The following SLC12A6 variants were observed in gnomAD, a reference collection of about 807,000 sequenced individuals.
SLC12A6 encodes solute carrier family 12 member 6, also known as K-Cl cotransporter 3.
A neutral mutation model predicts 135.3 loss-of-function variants in SLC12A6; 66 were observed. The ratio of observed to expected loss-of-function variants is 0.49; its 90% CI spans 0.40 to 0.60. SLC12A6 has a LOEUF of 0.60. Among genes scored for constraint, SLC12A6 ranks in the 20% least tolerant of loss-of-function variants. The pLI, the probability that SLC12A6 is intolerant of heterozygous loss-of-function variation, is 0.00. For synonymous variants in SLC12A6, 513 were observed against 508.8 expected, an observed-to-expected ratio of 1.01 and a Z score of -0.11; for missense variants, 1,058 against 1,452.3, an observed-to-expected ratio of 0.73 and a Z score of 4.41.
intron 4 of SLC12A6, 95 bp from the exon 5 acceptor site, chr15:34,259,039 A>G: frequency 9.1e-7 from 1 of 1,103,760 alleles, no homozygotes; most frequent in African/African-American, 1.5e-5. Flanking sequence ...AAATTAAATG[A>G]AAAAATATTT....
In SLC12A6 at chr15:34,242,122, G is replaced by T; in HGVS notation, c.2142C>A (p.Tyr714Ter). The change falls in exon 17 of 26, where the codon TAC (tyrosine) becomes TAA (stop). Residue 714 changes from tyrosine (Y) to a stop codon, truncating the protein, a stop_gained. Coordinates refer to ENST00000354181, the MANE Select transcript of SLC12A6 (RefSeq NM_001365088.1). LOFTEE classifies it high-confidence loss of function. ...IVAMVIAGMI[Y>*]KYIEYQGAEK... is the part of the protein sequence containing the mutation. ...CTCACCCTTGGTATTCAATGTACTT[G>T]TAGATCATACCAGCTATTACCATGG... 1 of 1,599,130 alleles carries T rather than the reference G, an allele frequency of 6.3e-7. No individual in the cohort carries two copies. Among genetic ancestry groups the T allele is most frequent in the Non-Finnish European group, 8.6e-7 (1 of 1,166,638 alleles).
chr15:34,322,978 C>CAAAAAAAA (rs1218702689), intron 2 of SLC12A6, among the ~76,000 whole-genome samples: 5 of 39,012 alleles, frequency 1.3e-4, no homozygotes, highest in African/African-American at 1.8e-4. Flanking sequence ...AACTCTGTCT[C>CAAAAAAAA]AAAAAAAAAA....
At chr15:34,316,636 C>T (rs763958163) in intron 2 of SLC12A6, among the ~76,000 whole-genome samples, 1 of 152,282 alleles carries the variant, frequency 6.6e-6, no homozygotes, top group East Asian at 1.9e-4. Flanking sequence ...TTGTTAAAAG[C>T]AATTACTATG....
chr15:34,307,196 A>C (rs143275650), intron 2 of SLC12A6, among the ~76,000 whole-genome samples: 1 of 152,234 alleles, frequency 6.6e-6, no homozygotes, highest in Non-Finnish European at 1.5e-5. Flanking sequence ...ACCGATGGGG[A>C]AAAACATTTG....
chr15:34,249,362 C>T, intron 13 of SLC12A6, among the ~76,000 whole-genome samples: 1 of 151,986 alleles, frequency 6.6e-6, no homozygotes, highest in Non-Finnish European at 1.5e-5. Flanking sequence ...GAGCTTCAGA[C>T]CATCCTGGAC....
At chr15:34,275,193 G>A in intron 3 of SLC12A6, 152 bp downstream of exon 3, 2 of 540,214 alleles carry the variant, frequency 3.7e-6, no homozygotes, top group East Asian at 2.9e-5. Flanking sequence ...AACTTGGCAA[G>A]TTGGGAATAG....
chr15:34,293,606 T>C (rs1223559249), intron 2 of SLC12A6, among the ~76,000 whole-genome samples: 1 of 152,180 alleles, frequency 6.6e-6, no homozygotes, highest in Middle Eastern at 3.2e-3. Context: ...GCCTAGCCTA[T>C]TTCATTTTTT....
chr15:34,275,275 G>A lies in SLC12A6; in HGVS notation c.316+70C>T, dbSNP rs561443319. The stretch of plus-strand genomic sequence containing the variant: ...ATAGAAAATAGAATCAGAGAAGGGA[G>A]TAATGTCTGTTAGGATAAATGAGTT... On this transcript the variant is annotated intron_variant, in intron 3 of 25. Coordinates refer to ENST00000354181, the MANE Select transcript of SLC12A6 (RefSeq NM_001365088.1). 55 of 797,196 alleles carry A rather than the reference G, an allele frequency of 6.9e-5. No homozygotes were observed. The Middle Eastern group carries it at 2.7e-3, about 39-fold the overall frequency. 49.4% of individuals were successfully genotyped at this position (797,196 alleles called of 1,614,324 possible). A position where few individuals can be genotyped will look rare whatever the true frequency, so the allele number is the denominator to read the frequency against.
chr15:34,295,949 G>A (rs1895851003), intron 2 of SLC12A6, among the ~76,000 whole-genome samples: 1 of 152,206 alleles, frequency 6.6e-6, no homozygotes, highest in Admixed American at 6.5e-5. Context: ...GCAATGAGCT[G>A]AGATCACGCC....
At chr15:34,270,437 A>G (rs1233908727) in intron 3 of SLC12A6, among the ~76,000 whole-genome samples, 19 of 152,144 alleles carry the variant, frequency 1.2e-4, no homozygotes, top group Admixed American at 1.2e-3. Context: ...AAACTTAAAT[A>G]CTGGGTTTTT....
chr15:34,323,188 A>C (rs1889236224), intron 2 of SLC12A6, among the ~76,000 whole-genome samples: 1 of 152,166 alleles, frequency 6.6e-6, no homozygotes, highest in Non-Finnish European at 1.5e-5. Flanking sequence ...TAATATGAAG[A>C]CAAATAAAAT....
chr15:34,333,973 G>T (rs1477398341), intron 2 of SLC12A6, among the ~76,000 whole-genome samples: 1 of 151,836 alleles, frequency 6.6e-6, no homozygotes, highest in Non-Finnish European at 1.5e-5. Context: ...GGGAGGCTGA[G>T]GCAAAAGAAT....
intron 2 of SLC12A6, among the ~76,000 whole-genome samples, chr15:34,326,439 T>C (rs944726120): frequency 9.9e-5 from 15 of 152,144 alleles, no homozygotes; most frequent in African/African-American, 3.1e-4. Context: ...TCTAAAAATG[T>C]GAGGAAAGGA....
Position 34,314,206 on chromosome 15 carries a change from G to A in SLC12A6, c.271+22204C>T, listed in dbSNP as rs1385948569. Among the ~76,000 whole-genome samples the A allele has an allele frequency of 2.6e-5, 4 of 151,882 alleles. No homozygotes were observed. The East Asian group carries it at 5.8e-4, about 22-fold the overall frequency. On this transcript the variant is annotated intron_variant, in intron 2 of 25. Transcript: ENST00000354181. ...GGGATTTACAGGCATATGCCACCAC[G>A]CCCAGTTAATTTTTGCATTTAGTAG... is the stretch of plus-strand genomic sequence containing the variant.
intron 2 of SLC12A6, among the ~76,000 whole-genome samples, chr15:34,333,780 T>C (rs1044662481): frequency 3.9e-5 from 6 of 151,988 alleles, no homozygotes; most frequent in Non-Finnish European, 5.9e-5. Context: ...TATTTAAAAC[T>C]TCATGTAGGG....
chr15:34,317,855 G>T (rs748946677), intron 2 of SLC12A6, among the ~76,000 whole-genome samples: 1 of 152,106 alleles, frequency 6.6e-6, no homozygotes, highest in Non-Finnish European at 1.5e-5. Context: ...TATTAACAAA[G>T]ATTTAATTGC....
intron 24 of SLC12A6, among the ~76,000 whole-genome samples, chr15:34,235,597 G>C (rs959527901): frequency 6.6e-6 from 1 of 151,412 alleles, no homozygotes; most frequent in African/African-American, 2.4e-5. Flanking sequence ...ACCATACCCG[G>C]CTAATTTTTT....
chr15:34,302,626 C>T (rs962111331), intron 2 of SLC12A6, among the ~76,000 whole-genome samples: 2 of 152,068 alleles, frequency 1.3e-5, no homozygotes, highest in Non-Finnish European at 2.9e-5. Context: ...ACCCAGGAGG[C>T]GGAGGTTGCA....
At chr15:34,313,486 T>C (rs1457000955) in intron 2 of SLC12A6, among the ~76,000 whole-genome samples, 1 of 152,182 alleles carries the variant, frequency 6.6e-6, no homozygotes, top group African/African-American at 2.4e-5. Context: ...AGTTGGTTCA[T>C]GAGGTTTAAG....
Sources: gnomAD v4.1 joint callset for allele counts (sites outside exome capture counted in the v4.1 genomes callset) on GRCh38, gnomAD v4.1.1 for gene constraint, MANE v1.5 for transcripts, NCBI Gene and HGNC (gene_info 2026-07-23, HGNC 2026-07-21) for gene names.